Variants in TF observed in about 807,000 individuals in gnomAD.
TF encodes transferrin, also known as serotransferrin.
TF carries 55 observed loss-of-function variants against 82.4 expected under a neutral mutation model. The ratio of observed to expected loss-of-function variants is 0.67; its 90% CI spans 0.54 to 0.84. The LOEUF is 0.84. Ranked by LOEUF, TF falls within the 40% of genes least tolerant of loss-of-function variation. The pLI is 0.00. For synonymous variants in TF, 332 were observed against 332.6 expected (o/e 1.00, Z 0.02); for missense variants, 737 against 868.4 (o/e 0.85, Z 1.90).
In TF at chr3:133,768,152, C is replaced by T. The variant is rs945625686; in HGVS notation, c.1610C>T (p.Thr537Ile). 1 of 1,614,262 alleles carries T rather than the reference C, an allele frequency of 6.2e-7. No individual in the cohort carries two copies. The highest frequency in any genetic ancestry group is 8.5e-7 in the Non-Finnish European group (1 of 1,180,052). Residue 537 changes from threonine (T) to isoleucine (I), a missense_variant, in exon 13 of 17, where the codon ACA becomes ATA. Coordinates refer to ENST00000402696, the MANE Select transcript of TF (RefSeq NM_001063.4). ...AACAAAGAGGGATACTACGGCTACA[C>T]AGGCGCTTTCAGGTGAGTCTTTTAA... is the stretch of plus-strand genomic sequence containing the variant. ...PNNKEGYYGY[T>I]GAFRCLVEKG...
chr3:133,682,890 C>A, the TF span, among the ~76,000 whole-genome samples: 1 of 152,092 alleles, frequency 6.6e-6, no homozygotes, highest in Non-Finnish European at 1.5e-5. Flanking sequence ...AAAGCATCTC[C>A]AAGACACATA....
chr3:133,716,955 C>A, the TF span, among the ~76,000 whole-genome samples: 1 of 152,154 alleles, frequency 6.6e-6, no homozygotes, highest in South Asian at 2.1e-4. Flanking sequence ...TTCCTCAGAT[C>A]ATCATGGCTA....
rs1189117832 is a variant in TF at position 133,793,442 on chromosome 3, A to G, written c.*14822A>G. 6.6e-6 allele frequency: 1 copy of G among 152,150 alleles called. No individual in the cohort carries two copies. Among genetic ancestry groups the G allele is most frequent in the African/African-American group, 2.4e-5 (1 of 41,448 alleles). 9.4% of individuals were successfully genotyped at this position (152,150 alleles called of 1,614,324 possible). A position where few individuals can be genotyped will look rare whatever the true frequency, so the allele number is the denominator to read the frequency against. ...GCAGAGGGCCCCTGAAGCATCCAAAAGAGAGGTAAACAGAATTATTTGACA... is the reference window on the plus strand; with the variant it reads ...GCAGAGGGCCCCTGAAGCATCCAAAGGAGAGGTAAACAGAATTATTTGACA... On this transcript the variant is annotated 3_prime_UTR_variant, in exon 17 of 17. Transcript: ENST00000402696.
At chr3:133,749,651 G>A (rs1396318225) in intron 2 of TF, among the ~76,000 whole-genome samples, 1 of 152,204 alleles carries the variant, frequency 6.6e-6, no homozygotes, top group Non-Finnish European at 1.5e-5. Flanking sequence ...ACACCAGGCA[G>A]CAAACAAGAG....
chr3:133,680,086 G>C, the TF span, among the ~76,000 whole-genome samples: 1 of 151,828 alleles, frequency 6.6e-6, no homozygotes, highest in Non-Finnish European at 1.5e-5. Flanking sequence ...TGTTCTTATT[G>C]GCCATTCCTG....
rs1296324343 is a variant in TF, at chr3:133,784,502, A to AATT, written c.*5884_*5885insTAT. The AATT allele has an allele frequency of 1.3e-5, 2 of 150,698 alleles. No individual in the cohort carries two copies. Among genetic ancestry groups the AATT allele is most frequent in the African/African-American group, 4.9e-5 (2 of 41,074 alleles). 9.3% of individuals were successfully genotyped at this position (150,698 alleles called of 1,614,324 possible). Reference sequence around the variant, plus strand: ...TAATAATAATAATAATAATAATAATAATAATAGGACATAAATGGCTTCTGG... The same window carrying AATT: ...TAATAATAATAATAATAATAATAATAATTATAATAGGACATAAATGGCTTCTGG... On this transcript the variant is annotated 3_prime_UTR_variant, in exon 17 of 17. Transcript: ENST00000402696.
chr3:133,721,876 T>TTTG, the TF span, among the ~76,000 whole-genome samples: 1 of 152,106 alleles, frequency 6.6e-6, no homozygotes, highest in Non-Finnish European at 1.5e-5. Flanking sequence ...ATAGGTTGTT[T>TTTG]TTGTTGTTGT....
the TF span, among the ~76,000 whole-genome samples, chr3:133,725,813 T>G: frequency 6.6e-6 from 1 of 152,162 alleles, no homozygotes; most frequent in Non-Finnish European, 1.5e-5. Context: ...TAGCTCTTAT[T>G]ATTTTGAGAT....
At chr3:133,710,673 G>A in the TF span, among the ~76,000 whole-genome samples, 19 of 152,136 alleles carry the variant, frequency 1.2e-4, no homozygotes, top group South Asian at 1.2e-3. Context: ...ACTTGGGTGC[G>A]GGTCACTCCC....
the TF span, among the ~76,000 whole-genome samples, chr3:133,681,532 A>G: frequency 6.6e-6 from 1 of 152,230 alleles, no homozygotes; most frequent in African/African-American, 2.4e-5. Flanking sequence ...GGTCTTAGCA[A>G]ACGGCACACC....
chr3:133,733,874 A>ACC, the TF span, among the ~76,000 whole-genome samples: 1 of 151,248 alleles, frequency 6.6e-6, no homozygotes, highest in South Asian at 2.1e-4. Context: ...AAACAAAAAA[A>ACC]AAAAAAACAT....
the TF span, among the ~76,000 whole-genome samples, chr3:133,689,875 T>G: frequency 8.5e-5 from 13 of 152,328 alleles, no homozygotes; most frequent in East Asian, 2.3e-3. Flanking sequence ...AAATTGAATT[T>G]TTATTTGACA....
the TF span, among the ~76,000 whole-genome samples, chr3:133,724,619 G>A: frequency 3.3e-5 from 5 of 152,216 alleles, no homozygotes; most frequent in Non-Finnish European, 2.9e-5. Context: ...TGTTCACTCT[G>A]ATGGTAGTTT....
the TF span, among the ~76,000 whole-genome samples, chr3:133,675,242 C>CA: frequency 0.12 from 6,708 of 54,798 alleles, 712 homozygotes; most frequent in African/African-American, 0.17. Context: ...GAGACTCTGT[C>CA]AAAAAAAAAA....
chr3:133,788,729 C>T lies in TF; in HGVS notation c.*10109C>T, dbSNP rs1209410200. Reference sequence around the variant, plus strand: ...CCGCAGGTTTCTGGGTGGGGCCATCCTGAAGGACTTTTTTCTATCTTTTCT... The same window carrying T: ...CCGCAGGTTTCTGGGTGGGGCCATCTTGAAGGACTTTTTTCTATCTTTTCT... On this transcript the variant is annotated 3_prime_UTR_variant, in exon 17 of 17. Coordinates refer to ENST00000402696, the MANE Select transcript of TF (RefSeq NM_001063.4). 6.6e-6 allele frequency: 1 copy of T among 152,206 alleles called. No homozygotes were observed. The highest frequency in any genetic ancestry group is 1.5e-5 in the Non-Finnish European group (1 of 68,070). The allele number at this position is 152,206 out of a possible 1,614,324, so 9.4% of individuals were successfully genotyped here. A position where few individuals can be genotyped will look rare whatever the true frequency, so the allele number is the denominator to read the frequency against.
At chr3:133,722,128 T>C in the TF span, among the ~76,000 whole-genome samples, 1 of 152,202 alleles carries the variant, frequency 6.6e-6, no homozygotes, top group East Asian at 1.9e-4. Context: ...GCAATCTCCC[T>C]GCCTGGGCCT....
the TF span, among the ~76,000 whole-genome samples, chr3:133,700,474 G>T: frequency 6.6e-6 from 1 of 152,226 alleles, no homozygotes; most frequent in Non-Finnish European, 1.5e-5. Flanking sequence ...GCTTGGCGTG[G>T]GGAGAAGAGG....
At position 133,781,855 on chromosome 3, in the gene TF, C is replaced by T. The variant is rs1274685525; in HGVS notation, c.*3235C>T. 1 of 152,040 alleles carries T rather than the reference C, an allele frequency of 6.6e-6. No homozygotes were observed. Among genetic ancestry groups the T allele is most frequent in the African/African-American group, 2.4e-5 (1 of 41,406 alleles). 9.4% of individuals were successfully genotyped at this position (152,040 alleles called of 1,614,324 possible). The stretch of plus-strand genomic sequence containing the variant: ...GCTTCTGCATAGCAAAGACAACAAG[C>T]AACAAAATGAAATGGCAACCTATGG... On this transcript the variant is annotated 3_prime_UTR_variant, in exon 17 of 17. Transcript: ENST00000402696.
In TF at chr3:133,756,090, T is replaced by C. The variant is rs1933820818; in HGVS notation, c.636-192T>C. 3.3e-5 allele frequency among the ~76,000 whole-genome samples: 5 copies of C among 152,276 alleles called. No homozygotes were observed. The South Asian group carries it at 1.0e-3, about 32-fold the overall frequency. On this transcript the variant is annotated intron_variant, in intron 5 of 16. Transcript: ENST00000402696. ...TTTGCTTCTTTGGGTTATGAGGGCTTTTTATCTCGTGTGAGCTCATTCCCC... is the reference window on the plus strand; with the variant it reads ...TTTGCTTCTTTGGGTTATGAGGGCTCTTTATCTCGTGTGAGCTCATTCCCC...
Sources: gnomAD v4.1 joint callset for allele counts (sites outside exome capture counted in the v4.1 genomes callset) on GRCh38, gnomAD v4.1.1 for gene constraint, MANE v1.5 for transcripts, NCBI Gene and HGNC (gene_info 2026-07-23, HGNC 2026-07-21) for gene names.